NELL1: variants seen among roughly 807,000 people sequenced by gnomAD.
NELL1 encodes the protein protein kinase C-binding protein NELL1.
Under a neutral mutation model 107.4 loss-of-function variants are expected in NELL1, and 76 were observed. The observed-to-expected ratio is 0.71, with a 90% confidence interval of 0.59 to 0.86. The LOEUF (loss-of-function observed/expected upper bound fraction) is 0.86. Ranked by LOEUF, NELL1 falls within the 40% of genes least tolerant of loss-of-function variation. The probability of loss-of-function intolerance (pLI) is 0.00; values close to 1 mark genes in which losing one functional copy is unlikely to be tolerated. For synonymous variants in NELL1, 353 were observed against 341.2 expected (o/e 1.03, Z -0.38); for missense variants, 1,024 against 1,005.5 (o/e 1.02, Z -0.25).
intron 16 of NELL1, among the ~76,000 whole-genome samples, chr11:21,549,937 A>G (rs1285345430): frequency 2.0e-5 from 3 of 151,906 alleles, no homozygotes; most frequent in African/African-American, 7.2e-5. Context: ...AGAGTGAGGC[A>G]GGGGCTTCAA....
intron 13 of NELL1, among the ~76,000 whole-genome samples, chr11:21,165,076 G>T (rs892304161): frequency 6.6e-6 from 1 of 152,088 alleles, no homozygotes; most frequent in Admixed American, 6.5e-5. Context: ...TTGAGTTATT[G>T]TTATTAATCT....
intron 5 of NELL1, among the ~76,000 whole-genome samples, chr11:20,888,598 C>T (rs1317429062): frequency 6.6e-6 from 1 of 151,942 alleles, no homozygotes; most frequent in Non-Finnish European, 1.5e-5. Context: ...GACATTAATT[C>T]TCATTACTGA....
chr11:21,327,199 G>T (rs540076464), intron 14 of NELL1, among the ~76,000 whole-genome samples: 2 of 112,446 alleles, frequency 1.8e-5, no homozygotes, highest in Middle Eastern at 5.4e-3. Flanking sequence ...CTGTTGTGGG[G>T]TGTAGGAAGG....
intron 14 of NELL1, among the ~76,000 whole-genome samples, chr11:21,287,949 G>C (rs1008696524): frequency 1.3e-5 from 2 of 151,286 alleles, no homozygotes; most frequent in Admixed American, 6.6e-5. Context: ...ATAGGGACAG[G>C]CTCTTAGTTC....
At chr11:21,496,977 T>C (rs900683326) in intron 15 of NELL1, among the ~76,000 whole-genome samples, 1 of 152,056 alleles carries the variant, frequency 6.6e-6, no homozygotes, top group Admixed American at 6.6e-5. Flanking sequence ...TATGGCTGCA[T>C]AGTATTCCAT....
chr11:21,188,510 C>T (rs1228724800), intron 13 of NELL1, among the ~76,000 whole-genome samples: 1 of 151,750 alleles, frequency 6.6e-6, no homozygotes, highest in Non-Finnish European at 1.5e-5. Context: ...TTTCTTTACT[C>T]ATTCTCACAG....
intron 15 of NELL1, among the ~76,000 whole-genome samples, chr11:21,498,931 G>A (rs1045287282): frequency 6.6e-6 from 1 of 151,788 alleles, no homozygotes; most frequent in Non-Finnish European, 1.5e-5. Context: ...TGATCATTCT[G>A]TTTATTTCCA....
At chr11:20,738,867 A>G (rs1434708868) in intron 2 of NELL1, among the ~76,000 whole-genome samples, 1 of 152,218 alleles carries the variant, frequency 6.6e-6, no homozygotes, top group Non-Finnish European at 1.5e-5. Flanking sequence ...AAGTGGAGTC[A>G]GACTTTGCTT....
At chr11:21,319,288 G>A (rs990996079) in intron 14 of NELL1, among the ~76,000 whole-genome samples, 5 of 151,538 alleles carry the variant, frequency 3.3e-5, no homozygotes, top group African/African-American at 1.2e-4. Context: ...CAATTTGCGT[G>A]CCTCAGCCTC....
chr11:20,690,819 G>T (rs1399526116), intron 2 of NELL1, among the ~76,000 whole-genome samples: 1 of 150,498 alleles, frequency 6.6e-6, no homozygotes, highest in Non-Finnish European at 1.5e-5. Context: ...ATTCTGTGAA[G>T]AAAGTCATTG....
intron 13 of NELL1, among the ~76,000 whole-genome samples, chr11:21,216,085 C>A (rs1489991743): frequency 6.6e-6 from 1 of 152,130 alleles, no homozygotes; most frequent in South Asian, 2.1e-4. Flanking sequence ...TCCTGATGCT[C>A]CAACTATGGC....
chr11:21,431,240 A>T (rs1343860474), intron 15 of NELL1, among the ~76,000 whole-genome samples: 1 of 152,024 alleles, frequency 6.6e-6, no homozygotes, highest in Non-Finnish European at 1.5e-5. Context: ...ATATTTAATA[A>T]CTGTCCCTCT....
At chr11:21,003,413 T>G (rs1852265538) in intron 12 of NELL1, among the ~76,000 whole-genome samples, 1 of 152,154 alleles carries the variant, frequency 6.6e-6, no homozygotes, top group South Asian at 2.1e-4. Flanking sequence ...TGCCAGTTTT[T>G]TTGCTAGGTC....
chr11:21,055,632 A>G (rs927450024), intron 12 of NELL1, among the ~76,000 whole-genome samples: 2 of 152,102 alleles, frequency 1.3e-5, no homozygotes, highest in East Asian at 1.9e-4. Context: ...TAGGAAAGAT[A>G]TTGACCGACG....
intron 5 of NELL1, among the ~76,000 whole-genome samples, chr11:20,893,078 A>G (rs1401460941): frequency 1.3e-5 from 2 of 152,214 alleles, no homozygotes; most frequent in African/African-American, 4.8e-5. Context: ...CTACACAGCC[A>G]TGAAAAGGAA....
At chr11:21,397,739 G>A (rs1399909608) in intron 15 of NELL1, among the ~76,000 whole-genome samples, 1 of 151,616 alleles carries the variant, frequency 6.6e-6, no homozygotes, top group African/African-American at 2.4e-5. Flanking sequence ...CCCTCAAAGG[G>A]ATAGTACTAG....
chr11:21,008,311 A>G (rs1852373410), intron 12 of NELL1, among the ~76,000 whole-genome samples: 1 of 152,174 alleles, frequency 6.6e-6, no homozygotes, highest in Non-Finnish European at 1.5e-5. Context: ...CCTTTCTATT[A>G]TGAAGGCTAA....
intron 15 of NELL1, among the ~76,000 whole-genome samples, chr11:21,391,875 T>A (rs537645803): frequency 1.3e-5 from 2 of 151,818 alleles, no homozygotes; most frequent in Non-Finnish European, 2.9e-5. Flanking sequence ...TATGAAAAGT[T>A]GATTTAAAGC....
chr11:20,910,740 C>G (rs1166438430), intron 5 of NELL1, among the ~76,000 whole-genome samples: 1 of 152,206 alleles, frequency 6.6e-6, no homozygotes, highest in Non-Finnish European at 1.5e-5. Flanking sequence ...AGAACTAGCT[C>G]TCATTCAGCA....
Sources: gnomAD v4.1 joint callset for allele counts (sites outside exome capture counted in the v4.1 genomes callset) on GRCh38, gnomAD v4.1.1 for gene constraint, MANE v1.5 for transcripts, NCBI Gene and HGNC (gene_info 2026-07-23, HGNC 2026-07-21) for gene names.